The following HIPK3 variants were observed in gnomAD, a reference collection of about 807,000 sequenced individuals.
HIPK3 encodes homeodomain interacting protein kinase 3.
A neutral mutation model predicts 124.2 loss-of-function variants in HIPK3; 47 were observed. That is an observed-to-expected ratio of 0.38 (90% CI 0.30 to 0.48). The LOEUF (loss-of-function observed/expected upper bound fraction) is 0.48. Ranked by LOEUF, HIPK3 falls within the 20% of genes least tolerant of loss-of-function variation. HIPK3 has a pLI of 0.98. For synonymous variants in HIPK3, 482 were observed against 515.2 expected (o/e 0.94, Z 0.87); for missense variants, 1,286 against 1,454.3 (o/e 0.88, Z 1.88).
At chr11:33,338,363 A>T (rs1443553605) in intron 4 of HIPK3, among the ~76,000 whole-genome samples, 1 of 152,174 alleles carries the variant, frequency 6.6e-6, no homozygotes, top group Non-Finnish European at 1.5e-5. Context: ...CCTCCCAAGT[A>T]GCTGGGACTA....
chr11:33,279,718 C>T (rs1407632908), intron 1 of HIPK3, among the ~76,000 whole-genome samples: 1 of 152,132 alleles, frequency 6.6e-6, no homozygotes, highest in Non-Finnish European at 1.5e-5. Flanking sequence ...ATCCCTTAGA[C>T]TGGGTAATTT....
At position 33,287,317 on chromosome 11, in the gene HIPK3, C is replaced by T. The variant is rs1851584768; in HGVS notation, c.903C>T (p.Pro301=). The T allele has an allele frequency of 8.1e-6, 13 of 1,614,018 alleles. No individual in the cohort carries two copies. The highest frequency in any genetic ancestry group is 1.1e-5 in the Non-Finnish European group (13 of 1,180,022). The part of the protein sequence containing the change: ...FSPLPLKVIR[P]ILQQVATALK... ...CCCTGCCACTAAAAGTGATTCGGCC[C>T]ATTCTTCAACAAGTGGCCACTGCAC... The change falls in exon 2 of 17, where the codon CCC becomes CCT. Residue 301 remains proline (P), a synonymous_variant. Coordinates refer to ENST00000303296, the MANE Select transcript of HIPK3 (RefSeq NM_005734.5).
chr11:33,299,666 A>G (rs1851937955), intron 2 of HIPK3, among the ~76,000 whole-genome samples: 1 of 152,184 alleles, frequency 6.6e-6, no homozygotes, highest in African/African-American at 2.4e-5. Context: ...ATTAAATAGC[A>G]TCGCGTTCTA....
In HIPK3 at chr11:33,257,463, C is replaced by T; in HGVS notation, c.-429C>T. 1.0e-6 allele frequency: 1 copy of T among 985,856 alleles called. No individual in the cohort carries two copies. Among genetic ancestry groups the T allele is most frequent in the Non-Finnish European group, 1.2e-6 (1 of 830,344 alleles). The allele number at this position is 985,856 out of a possible 1,614,324, so 61.1% of individuals were successfully genotyped here. On this transcript the variant is annotated 5_prime_UTR_variant, in exon 1 of 17. Coordinates refer to ENST00000303296, the MANE Select transcript of HIPK3 (RefSeq NM_005734.5). ...CGCAGGCCCCGCCGTCGCCACCACT[C>T]CCGCCAGTCTTCCTTCTCCGCTCCC...
chr11:33,287,510 A>T lies in HIPK3; in HGVS notation c.1096A>T (p.Arg366Ter). The change falls in exon 2 of 17, where the codon AGA (arginine) becomes TGA (stop). Residue 366 changes from arginine to a stop codon, truncating the protein, a stop_gained and splice_region_variant. Coordinates refer to ENST00000303296, the MANE Select transcript of HIPK3 (RefSeq NM_005734.5). LOFTEE classifies it high-confidence loss of function. ...AACATATCTACAATCTCGGTACTACAGGTAGGTAACAACTCCATACTTTTT... is the reference window on the plus strand; with the variant it reads ...AACATATCTACAATCTCGGTACTACTGGTAGGTAACAACTCCATACTTTTT... The part of the protein sequence containing the change: ...CSTYLQSRYY[R>*]APEIILGLPF... 2 of 1,604,122 alleles carry T rather than the reference A, an allele frequency of 1.2e-6. No individual in the cohort carries two copies. Among genetic ancestry groups the T allele is most frequent in the African/African-American group, 2.7e-5 (2 of 74,710 alleles).
intron 1 of HIPK3, among the ~76,000 whole-genome samples, chr11:33,278,127 T>C (rs1851319243): frequency 6.6e-6 from 1 of 152,226 alleles, no homozygotes. Flanking sequence ...AAAGAAAACC[T>C]CTCCTTTCTG....
intron 2 of HIPK3, among the ~76,000 whole-genome samples, chr11:33,291,448 C>T (rs1007994095): frequency 1.3e-5 from 2 of 152,156 alleles, no homozygotes; most frequent in Admixed American, 1.3e-4. Flanking sequence ...TTGTGCAACA[C>T]AGAAGTGTAG....
intron 2 of HIPK3, among the ~76,000 whole-genome samples, chr11:33,300,021 C>CAAAAA (rs58435948): frequency 7.4e-5 from 7 of 95,144 alleles, no homozygotes; most frequent in South Asian, 3.5e-4. Flanking sequence ...GACCCTGTCT[C>CAAAAA]AAAAAAAAAA....
At chr11:33,308,539 T>TC (rs1337321895) in intron 2 of HIPK3, among the ~76,000 whole-genome samples, 2 of 151,972 alleles carry the variant, frequency 1.3e-5, no homozygotes, top group African/African-American at 4.8e-5. Context: ...TATGTCCTTT[T>TC]CCCCCCTCTG....
intron 2 of HIPK3, among the ~76,000 whole-genome samples, chr11:33,298,832 C>G (rs34005370): frequency 0.29 from 43,709 of 152,008 alleles, 7,256 homozygotes; most frequent in Middle Eastern, 0.43. Flanking sequence ...TTAAACTTGA[C>G]CTATTGACAA....
intron 1 of HIPK3, among the ~76,000 whole-genome samples, chr11:33,270,537 A>G (rs1332938736): frequency 1.3e-5 from 2 of 152,240 alleles, no homozygotes; most frequent in African/African-American, 2.4e-5. Flanking sequence ...AAGAATGTGT[A>G]ACAACTGTAT....
chr11:33,328,702 A>G lies in HIPK3; in HGVS notation c.1221+69A>G, dbSNP rs890233786. On this transcript the variant is annotated intron_variant, in intron 3 of 16. Transcript: ENST00000303296. ...AATAATAACAGACTTACAGGAACAC[A>G]TGGCTGCAGGTGTACAATACACTGG... The G allele has an allele frequency of 1.3e-5, 19 of 1,426,900 alleles. 1 individual carries two copies. In the Admixed American group the frequency reaches 3.3e-4, roughly 24 times the overall value. 88.4% of individuals were successfully genotyped at this position (1,426,900 alleles called of 1,614,324 possible). A position where few individuals can be genotyped will look rare whatever the true frequency, so the allele number is the denominator to read the frequency against.
Position 33,287,291 on chromosome 11 carries a change from C to T in HIPK3, c.877C>T (p.Pro293Ser). 5 of 1,614,064 alleles carry T rather than the reference C, an allele frequency of 3.1e-6. No individual in the cohort carries two copies. The highest frequency in any genetic ancestry group is 3.4e-6 in the Non-Finnish European group (4 of 1,179,980). The change falls in exon 2 of 17, where the codon CCC becomes TCC. Residue 293 changes from proline to serine, a missense_variant. Physicochemically the swap from Pro to Ser is moderately conservative, Grantham distance 74 (BLOSUM62 -1). Around this residue, in one of 3 missense-constraint regions of HIPK3, gnomAD observed 251 missense variants for 349.1 expected, o/e 0.72. Transcript: ENST00000303296. ...CTTTCTGAAACAAAATAAATTTAGTCCCCTGCCACTAAAAGTGATTCGGCC... is the reference window on the plus strand; with the variant it reads ...CTTTCTGAAACAAAATAAATTTAGTTCCCTGCCACTAAAAGTGATTCGGCC... ...YDFLKQNKFS[P>S]LPLKVIRPIL...
At position 33,328,493 on chromosome 11, in the gene HIPK3, T is replaced by C. The variant is rs1201014773; in HGVS notation, c.1098-17T>C. On this transcript the variant is annotated splice_polypyrimidine_tract_variant and intron_variant, in intron 2 of 16. Transcript: ENST00000303296. Reference sequence around the variant, plus strand: ...GAGAAAAACCACCCTGATTTTTGTTTTAATTTTAAATTTCAGAGCTCCAGA... The same window carrying C: ...GAGAAAAACCACCCTGATTTTTGTTCTAATTTTAAATTTCAGAGCTCCAGA... The C allele has an allele frequency of 1.2e-6, 2 of 1,606,314 alleles. No homozygotes were observed. Among genetic ancestry groups the C allele is most frequent in the Admixed American group, 1.7e-5 (1 of 58,744 alleles).
intron 2 of HIPK3, among the ~76,000 whole-genome samples, chr11:33,314,989 T>C (rs1297341815): frequency 2.6e-5 from 4 of 152,176 alleles, no homozygotes; most frequent in Non-Finnish European, 2.9e-5. Flanking sequence ...TTCGAAAAGA[T>C]TGTAAAATCC....
Position 33,301,114 on chromosome 11 carries a change from T to C in HIPK3, c.1097+13603T>C, listed in dbSNP as rs1266924069. Among the ~76,000 whole-genome samples the C allele has an allele frequency of 2.6e-5, 4 of 152,198 alleles. No individual in the cohort carries two copies. The East Asian group carries it at 5.8e-4, about 22-fold the overall frequency. On this transcript the variant is annotated intron_variant, in intron 2 of 16. Transcript: ENST00000303296. ...AGAGTTTGTTCTTTCTTATGTGTAA[T>C]CCCTCATTTGACACCAAGAAACTGA...
chr11:33,325,470 A>G (rs1013098982), intron 2 of HIPK3, among the ~76,000 whole-genome samples: 1 of 152,188 alleles, frequency 6.6e-6, no homozygotes, highest in Non-Finnish European at 1.5e-5. Context: ...TATGGTTAAC[A>G]TTGGTAGTGA....
intron 2 of HIPK3, among the ~76,000 whole-genome samples, chr11:33,302,086 A>G (rs901444286): frequency 1.3e-5 from 2 of 152,150 alleles, no homozygotes; most frequent in African/African-American, 4.8e-5. Flanking sequence ...CAGCATTGTA[A>G]TCAATCTAGA....
intron 2 of HIPK3, among the ~76,000 whole-genome samples, chr11:33,302,993 A>G (rs2133929554): frequency 6.6e-6 from 1 of 152,362 alleles, no homozygotes; most frequent in African/African-American, 2.4e-5. Context: ...TGTACACTGT[A>G]GCTGTAAAAT....
Sources: allele counts gnomAD v4.1 joint callset (sites outside exome capture counted in the v4.1 genomes callset), GRCh38; gene constraint gnomAD v4.1.1; regional missense constraint gnomAD v4.1.1; transcripts MANE v1.5; gene names NCBI Gene and HGNC (gene_info 2026-07-23, HGNC 2026-07-21).